Variants in GNB4 observed in about 807,000 individuals in gnomAD.
The protein encoded by GNB4 is G protein subunit beta 4.
A neutral mutation model predicts 45.2 loss-of-function variants in GNB4; 28 were observed. The observed-to-expected ratio is 0.62, with a 90% confidence interval of 0.46 to 0.85. The LOEUF is 0.85. GNB4 is among the 40% of genes least tolerant of loss of function. The pLI, the probability that GNB4 is intolerant of heterozygous loss-of-function variation, is 0.00. For synonymous variants in GNB4, 132 were observed against 143.7 expected (o/e 0.92, Z 0.58); for missense variants, 321 against 425.4 (o/e 0.75, Z 2.16).
chr3:179,456,436 T>C (rs1386817605), upstream of GNB4, among the ~76,000 whole-genome samples: 1 of 152,220 alleles, frequency 6.6e-6, no homozygotes, highest in East Asian at 1.9e-4. Flanking sequence ...AATCTAAGAT[T>C]CTGTCTTTCC....
chr3:179,432,141 G>T (rs1355385948), intron 1 of GNB4, among the ~76,000 whole-genome samples: 1 of 152,060 alleles, frequency 6.6e-6, no homozygotes, highest in Non-Finnish European at 1.5e-5. Context: ...GCTATGTTTG[G>T]GCAGGCATGA....
the GNB4 span, among the ~76,000 whole-genome samples, chr3:179,474,159 A>T: frequency 1.3e-5 from 2 of 152,128 alleles, no homozygotes; most frequent in Non-Finnish European, 2.9e-5. Flanking sequence ...ACTGTACTCC[A>T]CCCTAGGCGA....
chr3:179,507,843 G>T, the GNB4 span, among the ~76,000 whole-genome samples: 1 of 152,108 alleles, frequency 6.6e-6, no homozygotes, highest in African/African-American at 2.4e-5. Context: ...TTGTTCCTTG[G>T]AATCACAGAT....
chr3:179,482,380 G>A, the GNB4 span, among the ~76,000 whole-genome samples: 13 of 152,062 alleles, frequency 8.5e-5, no homozygotes, highest in Admixed American at 7.2e-4. Flanking sequence ...ATTAGGGTGG[G>A]TTCTCTCTTG....
At chr3:179,513,684 G>C in the GNB4 span, among the ~76,000 whole-genome samples, 1 of 151,996 alleles carries the variant, frequency 6.6e-6, no homozygotes, top group Non-Finnish European at 1.5e-5. Flanking sequence ...TAATAGCCAT[G>C]CTTCATAACA....
intron 4 of GNB4, among the ~76,000 whole-genome samples, chr3:179,418,745 C>A (rs888317937): frequency 3.9e-5 from 6 of 152,168 alleles, no homozygotes; most frequent in Non-Finnish European, 7.3e-5. Context: ...ATCAAAGGAA[C>A]AAGTAAACCA....
the GNB4 span, among the ~76,000 whole-genome samples, chr3:179,458,694 T>C: frequency 2.0e-5 from 3 of 152,222 alleles, no homozygotes; most frequent in Admixed American, 6.5e-5. Context: ...TGTGATACAA[T>C]ATAAATGCTG....
the GNB4 span, among the ~76,000 whole-genome samples, chr3:179,468,086 T>C: frequency 7.3e-6 from 1 of 136,192 alleles, no homozygotes; most frequent in South Asian, 2.7e-4. Flanking sequence ...CAGTCCCAGC[T>C]ACCCGGGAGG....
chr3:179,423,199 G>A (rs1185800820), intron 2 of GNB4, among the ~76,000 whole-genome samples: 2 of 152,172 alleles, frequency 1.3e-5, no homozygotes, highest in Non-Finnish European at 2.9e-5. Context: ...GTGAGCACCT[G>A]CGCCCACGAC....
chr3:179,451,768 C>T (rs1239187035), upstream of GNB4, among the ~76,000 whole-genome samples: 1 of 152,210 alleles, frequency 6.6e-6, no homozygotes, highest in Non-Finnish European at 1.5e-5. Flanking sequence ...TGCTAAGTAG[C>T]GCCCGTCTAA....
At chr3:179,513,729 AT>A in the GNB4 span, among the ~76,000 whole-genome samples, 1 of 152,136 alleles carries the variant, frequency 6.6e-6, no homozygotes, top group African/African-American at 2.4e-5. Flanking sequence ...CCTTTTAAAA[AT>A]TTTTTGAAAT....
In GNB4 at chr3:179,401,198, A is replaced by T; in HGVS notation, c.*15T>A. ...CTCCAGATATATCAATGGAGAACAAATATGTATGACACTGTTAATTCCAGA... is the reference window on the plus strand; with the variant it reads ...CTCCAGATATATCAATGGAGAACAATTATGTATGACACTGTTAATTCCAGA... On this transcript the variant is annotated 3_prime_UTR_variant, in exon 10 of 10. Transcript: ENST00000232564. 6.4e-7 allele frequency: 1 copy of T among 1,568,832 alleles called. No homozygotes were observed. Among genetic ancestry groups the T allele is most frequent in the Non-Finnish European group, 8.8e-7 (1 of 1,141,074 alleles).
chr3:179,440,863 CTATA>C (rs1158858721), intron 1 of GNB4, among the ~76,000 whole-genome samples: 3 of 133,416 alleles, frequency 2.2e-5, no homozygotes, highest in South Asian at 2.3e-4. Context: ...TTAAAAATTC[CTATA>C]TATATAGATA....
chr3:179,428,127 T>C (rs1037320078), intron 1 of GNB4, among the ~76,000 whole-genome samples: 19 of 152,238 alleles, frequency 1.2e-4, no homozygotes, highest in Admixed American at 5.9e-4. Flanking sequence ...CCAGTATCTA[T>C]TTATTCTTTC....
chr3:179,470,729 G>A, the GNB4 span, among the ~76,000 whole-genome samples: 4 of 151,918 alleles, frequency 2.6e-5, no homozygotes, highest in Non-Finnish European at 5.9e-5. Flanking sequence ...AGTTTTAGTA[G>A]AGACGGGGTT....
chr3:179,427,521 C>T (rs535141772), intron 1 of GNB4, among the ~76,000 whole-genome samples: 2 of 149,322 alleles, frequency 1.3e-5, no homozygotes, highest in East Asian at 2.0e-4. Flanking sequence ...AAAAGAATTG[C>T]TTGAATCTGG....
chr3:179,498,751 T>TG, the GNB4 span, among the ~76,000 whole-genome samples: 6 of 141,346 alleles, frequency 4.2e-5, no homozygotes, highest in African/African-American at 1.7e-4. Context: ...GAGGTTTGGT[T>TG]TTTTTTTTTT....
At chr3:179,522,121 G>A in the GNB4 span, among the ~76,000 whole-genome samples, 1 of 152,108 alleles carries the variant, frequency 6.6e-6, no homozygotes. Flanking sequence ...CATATCCCCT[G>A]TGACCTGCAT....
At chr3:179,491,405 A>G in the GNB4 span, among the ~76,000 whole-genome samples, 1 of 152,230 alleles carries the variant, frequency 6.6e-6, no homozygotes, top group Non-Finnish European at 1.5e-5. Flanking sequence ...TCATGAACAA[A>G]GAGCAGAAGG....
Sources: allele counts gnomAD v4.1 joint callset (sites outside exome capture counted in the v4.1 genomes callset), GRCh38; gene constraint gnomAD v4.1.1; transcripts MANE v1.5; gene names NCBI Gene and HGNC (gene_info 2026-07-23, HGNC 2026-07-21).